Variants in CCNJL observed in about 807,000 individuals in gnomAD.
The protein encoded by CCNJL is cyclin J like, also known as cyclin-J-like protein.
In CCNJL, 33 loss-of-function variants were observed where a neutral mutation model predicts 33.4. The ratio of observed to expected loss-of-function variants is 0.99; its 90% confidence interval spans 0.75 to 1.32. The LOEUF (loss-of-function observed/expected upper bound fraction) is 1.32. Ranked by LOEUF, CCNJL falls within the 40% of genes most tolerant of loss-of-function variation. The pLI is 0.00. For synonymous variants in CCNJL, 227 were observed against 220.9 expected (o/e 1.03, Z -0.24); for missense variants, 512 against 499.7 (o/e 1.02, Z -0.23).
intron 3 of CCNJL, among the ~76,000 whole-genome samples, chr5:160,261,601 A>G (rs1014233246): frequency 6.6e-6 from 1 of 151,878 alleles, no homozygotes; most frequent in Non-Finnish European, 1.5e-5. Flanking sequence ...GACTGGCTCT[A>G]TTGGCTTTGG....
chr5:160,318,043 A>C (rs1462782573), intron 1 of CCNJL, among the ~76,000 whole-genome samples: 5 of 144,480 alleles, frequency 3.5e-5, no homozygotes, highest in African/African-American at 1.0e-4. Flanking sequence ...TTTGAGATGG[A>C]GTCTCACTCT....
chr5:160,250,813 C>T lies in CCNJL; in HGVS notation c.*2565G>A, dbSNP rs1170058570. 6.6e-6 allele frequency: 1 copy of T among 152,158 alleles called. No individual in the cohort carries two copies. The highest frequency in any genetic ancestry group is 2.4e-5 in the African/African-American group (1 of 41,436). The allele number at this position is 152,158 out of a possible 1,614,324, so 9.4% of individuals were successfully genotyped here. Reference sequence around the variant, plus strand: ...ATAGTGCATCTTACAAAAAGCTGATCTTATGCTTGAAGAAATATAATAATT... The same window carrying T: ...ATAGTGCATCTTACAAAAAGCTGATTTTATGCTTGAAGAAATATAATAATT... On this transcript the variant is annotated 3_prime_UTR_variant, in exon 6 of 6. Transcript: ENST00000257536.
intron 1 of CCNJL, among the ~76,000 whole-genome samples, chr5:160,320,086 C>T (rs949940375): frequency 1.3e-5 from 2 of 152,124 alleles, no homozygotes; most frequent in Non-Finnish European, 2.9e-5. Context: ...CCTCTATGGG[C>T]CACTTATGCT....
rs534650389 is a variant in CCNJL at position 160,327,632 on chromosome 5, T to C, written n.206+11813A>G. Among the ~76,000 whole-genome samples the C allele has an allele frequency of 7.9e-5, 12 of 152,288 alleles. No individual in the cohort carries two copies. The East Asian group carries it at 1.9e-3, about 25-fold the overall frequency. Reference sequence around the variant, plus strand: ...TGGGCCAGGAGTTGGCGATAGAGGATATGGCCCCCGTCCTTCAGAAGAACA... The same window carrying C: ...TGGGCCAGGAGTTGGCGATAGAGGACATGGCCCCCGTCCTTCAGAAGAACA... On this transcript the variant is annotated intron_variant and non_coding_transcript_variant, in intron 1 of 7. Coordinates refer to the CCNJL transcript ENST00000377503.
At chr5:160,326,957 G>A (rs1025012284) in intron 1 of CCNJL, 24 of 603,714 alleles carry the variant, frequency 4.0e-5, no homozygotes, top group South Asian at 2.3e-4. Flanking sequence ...ACTCTGCTAC[G>A]AAGTTTCTCC....
At chr5:160,308,214 G>C (rs1763153140) in intron 2 of CCNJL, among the ~76,000 whole-genome samples, 1 of 152,186 alleles carries the variant, frequency 6.6e-6, no homozygotes, top group Non-Finnish European at 1.5e-5. Flanking sequence ...TGCAATGCCT[G>C]CCAAGTACCC....
chr5:160,306,918 T>C (rs549110027), intron 2 of CCNJL, among the ~76,000 whole-genome samples: 5 of 152,232 alleles, frequency 3.3e-5, no homozygotes, highest in Non-Finnish European at 7.3e-5. Context: ...AGGTAATTGC[T>C]TTTCTAACTT....
At chr5:160,264,483 T>G (rs1761490220) in intron 3 of CCNJL, among the ~76,000 whole-genome samples, 1 of 151,676 alleles carries the variant, frequency 6.6e-6, no homozygotes, top group African/African-American at 2.4e-5. Flanking sequence ...GTGGCCTACA[T>G]GCTTAACCAC....
chr5:160,278,784 C>A (rs1762106567), intron 3 of CCNJL, among the ~76,000 whole-genome samples: 1 of 152,254 alleles, frequency 6.6e-6, no homozygotes, highest in Admixed American at 6.5e-5. Flanking sequence ...AGATCACAGA[C>A]AGCAGCAGGC....
intron 2 of CCNJL, among the ~76,000 whole-genome samples, chr5:160,291,432 T>C (rs886775556): frequency 3.3e-5 from 5 of 151,500 alleles, no homozygotes; most frequent in African/African-American, 1.2e-4. Flanking sequence ...CCTGAAACAT[T>C]TGTTCGTCAA....
intron 1 of CCNJL, among the ~76,000 whole-genome samples, chr5:160,331,641 T>C (rs1041237263): frequency 3.3e-5 from 5 of 152,198 alleles, no homozygotes; most frequent in African/African-American, 9.7e-5. Flanking sequence ...CTTAACCCTC[T>C]TGACTTTCTC....
intron 2 of CCNJL, among the ~76,000 whole-genome samples, chr5:160,286,418 G>A (rs1561793243): frequency 6.6e-6 from 1 of 152,116 alleles, no homozygotes; most frequent in African/African-American, 2.4e-5. Flanking sequence ...TGGGCGGATC[G>A]CTTGAGGCCA....
chr5:160,331,908 A>C (rs1219257084), intron 1 of CCNJL, among the ~76,000 whole-genome samples: 1 of 152,160 alleles, frequency 6.6e-6, no homozygotes, highest in Non-Finnish European at 1.5e-5. Context: ...CTTGTTAGAA[A>C]TGCAAATTCT....
intron 2 of CCNJL, among the ~76,000 whole-genome samples, chr5:160,288,542 C>A (rs555078425): frequency 6.6e-6 from 1 of 151,940 alleles, no homozygotes; most frequent in Non-Finnish European, 1.5e-5. Flanking sequence ...TTTCTTTTTA[C>A]TAATTATAAA....
rs1760891556 is a variant in CCNJL, at chr5:160,253,340, C to G, written c.*38G>C. 1 of 1,534,952 alleles carries G rather than the reference C, an allele frequency of 6.5e-7. No homozygotes were observed. The highest frequency in any genetic ancestry group is 1.4e-5 in the African/African-American group (1 of 73,060). On this transcript the variant is annotated 3_prime_UTR_variant, in exon 6 of 6. Transcript: ENST00000257536. ...CTCTTCAGTGTCCTCTTCCTCTGCC[C>G]ACATCTCCAAGGCTTCCTCGTGAGG...
intron 2 of CCNJL, among the ~76,000 whole-genome samples, chr5:160,291,036 T>TAAAAAAAAAA (rs1177369719): frequency 4.5e-4 from 26 of 57,480 alleles, no homozygotes; most frequent in Non-Finnish European, 6.0e-4. Context: ...CGTCTTTACT[T>TAAAAAAAAAA]AAAAAAAAAA....
At chr5:160,268,738 C>T (rs1237041083) in intron 3 of CCNJL, among the ~76,000 whole-genome samples, 3 of 152,222 alleles carry the variant, frequency 2.0e-5, no homozygotes, top group African/African-American at 2.4e-5. Context: ...TGGCCCATTT[C>T]TGATCCTGTA....
intron 3 of CCNJL, among the ~76,000 whole-genome samples, chr5:160,266,321 A>G (rs1175838334): frequency 3.3e-5 from 5 of 152,288 alleles, no homozygotes; most frequent in African/African-American, 4.8e-5. Context: ...CAGGCTCAAT[A>G]GAGACCTTTC....
intron 2 of CCNJL, among the ~76,000 whole-genome samples, chr5:160,304,762 A>G (rs1050340252): frequency 6.6e-6 from 1 of 151,856 alleles, no homozygotes; most frequent in Non-Finnish European, 1.5e-5. Context: ...CAAGCGGAGG[A>G]TGACCTACCC....
Sources: allele counts gnomAD v4.1 joint callset (sites outside exome capture counted in the v4.1 genomes callset), GRCh38; gene constraint gnomAD v4.1.1; transcripts MANE v1.5; gene names NCBI Gene and HGNC (gene_info 2026-07-23, HGNC 2026-07-21).